Variants in TPD52 observed in about 807,000 individuals in gnomAD.
TPD52 encodes the protein tumor protein D52.
A neutral mutation model predicts 31.3 loss-of-function variants in TPD52; 17 were observed. That is an observed-to-expected ratio of 0.54 (90% CI 0.37 to 0.82). The LOEUF (loss-of-function observed/expected upper bound fraction) is 0.82. Ranked by LOEUF, TPD52 falls within the 40% of genes least tolerant of loss-of-function variation. The pLI, the probability that TPD52 is intolerant of heterozygous loss-of-function variation, is 0.00. For synonymous variants in TPD52, 83 were observed against 89.6 expected, an observed-to-expected ratio of 0.93 and a Z score of 0.42; for missense variants, 212 against 240.1, an observed-to-expected ratio of 0.88 and a Z score of 0.77.
chr8:80,053,437 G>T lies in TPD52; in HGVS notation c.136-7C>A, dbSNP rs775192322. 1 of 1,612,378 alleles carries T rather than the reference G, an allele frequency of 6.2e-7. No homozygotes were observed. Among genetic ancestry groups the T allele is most frequent in the South Asian group, 1.1e-5 (1 of 90,902 alleles). On this transcript the variant is annotated splice_polypyrimidine_tract_variant and splice_region_variant and intron_variant, in intron 2 of 7. Coordinates refer to ENST00000518937, the MANE Select transcript of TPD52 (RefSeq NM_001025253.3). ...TCTGGATTTCTTCTTCTACCTATGA[G>T]GAAGGGGTTTGGGGTAAGAATATAG...
intron 1 of TPD52, among the ~76,000 whole-genome samples, chr8:80,072,770 C>CAT (rs1275225567): frequency 1.4e-5 from 2 of 147,466 alleles, no homozygotes; most frequent in South Asian, 4.2e-4. Flanking sequence ...TACACACACA[C>CAT]ATATATATAC....
At chr8:80,051,669 G>T in intron 3 of TPD52, 41 bp from the exon 4 acceptor site, 2 of 1,472,690 alleles carry the variant, frequency 1.4e-6, no homozygotes, top group Non-Finnish European at 1.8e-6. Flanking sequence ...AGAAGGGTCA[G>T]CTCATCTTTT....
intron 1 of TPD52, among the ~76,000 whole-genome samples, chr8:80,072,343 GTGTGTA>G (rs1283125606): frequency 6.6e-6 from 1 of 150,980 alleles, no homozygotes; most frequent in African/African-American, 2.5e-5. Flanking sequence ...GTGTGTGTGT[GTGTGTA>G]TGTGTGTATA....
intron 3 of TPD52, chr8:80,052,760 C>T (rs976334519): frequency 1.0e-6 from 1 of 974,306 alleles, no homozygotes; most frequent in Non-Finnish European, 1.4e-6. Flanking sequence ...AAGGGATTGA[C>T]CTCTGCCAAG....
chr8:80,094,428 TTTTATATATATATATA>T lies in TPD52; in HGVS notation c.20-29851_20-29836del, dbSNP rs1293763627. Among the ~76,000 whole-genome samples the T allele has an allele frequency of 4.2e-3, 292 of 69,110 alleles. 7 individuals carry two copies. The highest frequency in any genetic ancestry group is 0.016 in the Middle Eastern group (2 of 124). 45.3% of individuals were successfully genotyped at this position (69,110 alleles called of 152,430 possible). On this transcript the variant is annotated intron_variant, in intron 1 of 7. Transcript: ENST00000518937. ...TGACTAAGTTCTAGACAAAAGAAAA[TTTTATATATATATATA>T]TATATATATATATATATATATATAT...
intron 1 of TPD52, among the ~76,000 whole-genome samples, chr8:80,071,113 T>A (rs1251864644): frequency 3.3e-5 from 5 of 152,070 alleles, no homozygotes; most frequent in Non-Finnish European, 7.4e-5. Context: ...GCAGCAAGGA[T>A]TCATTGCCCT....
rs7009525 is a variant in TPD52 at position 80,117,548 on chromosome 8, A to G, written c.20-52955T>C. 4.1e-3 allele frequency among the ~76,000 whole-genome samples: 629 copies of G among 152,298 alleles called. 3 individuals carry two copies. Among genetic ancestry groups the G allele is most frequent in the Non-Finnish European group, 6.8e-3 (465 of 68,024 alleles). On this transcript the variant is annotated intron_variant, in intron 1 of 7. Coordinates refer to ENST00000518937, the MANE Select transcript of TPD52 (RefSeq NM_001025253.3). ...GGTCTGAAGACTTAATATTGTGGAGATGACAATACCTCTCAATCAATTTAC... is the reference window on the plus strand; with the variant it reads ...GGTCTGAAGACTTAATATTGTGGAGGTGACAATACCTCTCAATCAATTTAC...
chr8:80,065,934 A>AT (rs33925188), intron 1 of TPD52, among the ~76,000 whole-genome samples: 62,155 of 129,440 alleles, frequency 0.48, 15,335 homozygotes, highest in East Asian at 0.68. Context: ...CTGGCAACAG[A>AT]TTTTTTTTTT....
At chr8:80,102,598 C>T (rs1031040238) in intron 1 of TPD52, among the ~76,000 whole-genome samples, 5 of 152,152 alleles carry the variant, frequency 3.3e-5, no homozygotes, top group African/African-American at 9.7e-5. Context: ...TTTAGAACAT[C>T]GTGTTGTGAT....
intron 1 of TPD52, among the ~76,000 whole-genome samples, chr8:80,072,913 G>T (rs936834038): frequency 5.9e-5 from 9 of 151,788 alleles, no homozygotes; most frequent in African/African-American, 9.7e-5. Flanking sequence ...GACCAGCCTG[G>T]CCAACCTGGT....
At position 80,112,389 on chromosome 8, in the gene TPD52, G is replaced by A. The variant is rs181199601; in HGVS notation, c.20-47796C>T. 5.9e-5 allele frequency among the ~76,000 whole-genome samples: 9 copies of A among 152,294 alleles called. No homozygotes were observed. The East Asian group carries it at 7.7e-4, about 13-fold the overall frequency. ...AGGGCAGATCCAGGATTTGAACCCA[G>A]ACTGATTACCTTGAGCCTGTGTTCT... On this transcript the variant is annotated intron_variant, in intron 1 of 7. Transcript: ENST00000518937.
At position 80,075,590 on chromosome 8, in the gene TPD52, A is replaced by T. The variant is rs952550386; in HGVS notation, c.20-10997T>A. On this transcript the variant is annotated intron_variant, in intron 1 of 7. Coordinates refer to ENST00000518937, the MANE Select transcript of TPD52 (RefSeq NM_001025253.3). Reference sequence around the variant, plus strand: ...CCTTAAATCTCTTTCATTTTTTTTTAAAAGAAAAAATCTTCAGTCAATTAC... The same window carrying T: ...CCTTAAATCTCTTTCATTTTTTTTTTAAAGAAAAAATCTTCAGTCAATTAC... 1.2e-4 allele frequency among the ~76,000 whole-genome samples: 19 copies of T among 152,010 alleles called. No individual in the cohort carries two copies. The South Asian group carries it at 1.5e-3, about 12-fold the overall frequency.
At chr8:80,089,746 G>A (rs2130876024) in intron 1 of TPD52, among the ~76,000 whole-genome samples, 1 of 152,248 alleles carries the variant, frequency 6.6e-6, no homozygotes, top group East Asian at 1.9e-4. Flanking sequence ...CAATTTTATG[G>A]GGTAAGTTTT....
intron 1 of TPD52, among the ~76,000 whole-genome samples, chr8:80,091,434 G>A (rs1199316060): frequency 2.7e-5 from 4 of 148,594 alleles, no homozygotes; most frequent in South Asian, 2.1e-4. Context: ...GCGCCACTGC[G>A]CTCCAGCCTG....
At chr8:80,145,112 G>A (rs894816280) in intron 1 of TPD52, among the ~76,000 whole-genome samples, 1 of 152,142 alleles carries the variant, frequency 6.6e-6, no homozygotes, top group African/African-American at 2.4e-5. Flanking sequence ...AAAAACTGGT[G>A]CAAATTTTGT....
At chr8:80,130,928 G>A (rs1182954050) in intron 1 of TPD52, among the ~76,000 whole-genome samples, 1 of 152,172 alleles carries the variant, frequency 6.6e-6, no homozygotes, top group African/African-American at 2.4e-5. Flanking sequence ...TAACCCAAAT[G>A]CTTAAAACAA....
intron 7 of TPD52, among the ~76,000 whole-genome samples, chr8:80,040,241 C>G (rs1383885370): frequency 2.4e-5 from 3 of 124,992 alleles, no homozygotes; most frequent in African/African-American, 9.7e-5. Flanking sequence ...GTCACCCAGG[C>G]TGGAGTGCAG....
intron 1 of TPD52, among the ~76,000 whole-genome samples, chr8:80,141,189 C>G (rs898073452): frequency 6.6e-6 from 1 of 152,148 alleles, no homozygotes; most frequent in Non-Finnish European, 1.5e-5. Flanking sequence ...ATCAGCCTCA[C>G]CTCCCAGACA....
intron 1 of TPD52, among the ~76,000 whole-genome samples, chr8:80,116,701 G>A (rs942727575): frequency 3.3e-5 from 5 of 151,282 alleles, no homozygotes; most frequent in African/African-American, 1.2e-4. Flanking sequence ...ACAAGAAAAC[G>A]ACAGACTAGT....
Sources: allele counts gnomAD v4.1 joint callset (sites outside exome capture counted in the v4.1 genomes callset), GRCh38; gene constraint gnomAD v4.1.1; transcripts MANE v1.5; gene names NCBI Gene and HGNC (gene_info 2026-07-23, HGNC 2026-07-21).